Variants in PDE12 observed in about 807,000 individuals in gnomAD.
The protein encoded by PDE12 is phosphodiesterase 12.
Under a neutral mutation model 45.4 loss-of-function variants are expected in PDE12, and 26 were observed. That is an observed-to-expected ratio of 0.57 (90% CI 0.42 to 0.79). The LOEUF is 0.79. Among genes scored for constraint, PDE12 ranks in the 30% least tolerant of loss-of-function variants. PDE12 has a pLI of 0.00. For missense variants in PDE12, 668 were observed against 790.0 expected, an observed-to-expected ratio of 0.85 and a Z score of 1.85; for synonymous variants, 283 against 323.9, an observed-to-expected ratio of 0.87 and a Z score of 1.36.
chr3:57,602,006 C>T, the PDE12 span, among the ~76,000 whole-genome samples: 5 of 151,798 alleles, frequency 3.3e-5, no homozygotes, highest in Non-Finnish European at 5.9e-5. Flanking sequence ...CTGCCCACCT[C>T]GGCCTCCCAG....
the PDE12 span, among the ~76,000 whole-genome samples, chr3:57,637,088 G>A: frequency 9.9e-5 from 15 of 152,108 alleles, no homozygotes; most frequent in African/African-American, 3.1e-4. Flanking sequence ...GATGTCCTCC[G>A]TGCCAGTCTC....
At chr3:57,603,053 A>G in the PDE12 span, among the ~76,000 whole-genome samples, 3 of 151,540 alleles carry the variant, frequency 2.0e-5, no homozygotes, top group African/African-American at 7.2e-5. Flanking sequence ...TGTAATCCCA[A>G]CTACTCAGCA....
chr3:57,620,866 G>T, the PDE12 span, among the ~76,000 whole-genome samples: 2 of 152,106 alleles, frequency 1.3e-5, no homozygotes, highest in African/African-American at 4.8e-5. Context: ...CTTTGTTCAT[G>T]GTTCAGAAGA....
chr3:57,601,361 G>A, the PDE12 span, among the ~76,000 whole-genome samples: 4 of 151,986 alleles, frequency 2.6e-5, no homozygotes, highest in African/African-American at 7.3e-5. Context: ...CACCCACCTC[G>A]GCCTCCCAAA....
chr3:57,612,228 C>T, the PDE12 span, among the ~76,000 whole-genome samples: 1 of 123,576 alleles, frequency 8.1e-6, no homozygotes, highest in Non-Finnish European at 1.6e-5. Context: ...ACATCACACA[C>T]CAGGGCCTGT....
At chr3:57,600,463 C>G in the PDE12 span, among the ~76,000 whole-genome samples, 1 of 148,738 alleles carries the variant, frequency 6.7e-6, no homozygotes, top group Non-Finnish European at 1.5e-5. Context: ...TCCCTTTTCC[C>G]TTCCCTTTTC....
downstream of PDE12, among the ~76,000 whole-genome samples, chr3:57,570,219 G>GTTTTTTTTTTTTTTTTGTTTT (rs2069824322): frequency 7.8e-5 from 8 of 102,330 alleles, no homozygotes; most frequent in African/African-American, 2.7e-4. Flanking sequence ...TTAATCCAGT[G>GTTTTTTTTTTTTTTTTGTTTT]TTTTTTTTTT....
chr3:57,560,149 T>C lies in PDE12; in HGVS notation c.*145T>C. On this transcript the variant is annotated 3_prime_UTR_variant, in exon 3 of 3. Coordinates refer to ENST00000311180, the MANE Select transcript of PDE12 (RefSeq NM_177966.7). ...AGTTATGTTCCTGATGTCTTCGTTA[T>C]GAAACTGTTGATGTTTGCATCATAC... 7.0e-7 allele frequency: 1 copy of C among 1,419,174 alleles called. No individual in the cohort carries two copies. The highest frequency in any genetic ancestry group is 3.1e-5 in the Admixed American group (1 of 32,512). The allele number at this position is 1,419,174 out of a possible 1,614,324, so 87.9% of individuals were successfully genotyped here.
the PDE12 span, among the ~76,000 whole-genome samples, chr3:57,605,697 G>A: frequency 6.6e-6 from 1 of 152,120 alleles, no homozygotes; most frequent in Non-Finnish European, 1.5e-5. Flanking sequence ...AAATTATTGG[G>A]CATGCAAAGA....
chr3:57,595,964 A>G, the PDE12 span, among the ~76,000 whole-genome samples: 5 of 151,708 alleles, frequency 3.3e-5, no homozygotes, highest in South Asian at 1.0e-3. Flanking sequence ...AAAAAAAAAA[A>G]GGAAGAGAAA....
chr3:57,649,332 A>G, the PDE12 span, among the ~76,000 whole-genome samples: 2 of 152,212 alleles, frequency 1.3e-5, no homozygotes, highest in African/African-American at 4.8e-5. Context: ...AAGAATAGCC[A>G]TAATCAAAAA....
chr3:57,641,847 AG>A, the PDE12 span: 1 of 950,790 alleles, frequency 1.1e-6, no homozygotes, highest in Non-Finnish European at 1.6e-6. Context: ...AACAATACAC[AG>A]ATTGATTTTT....
the PDE12 span, among the ~76,000 whole-genome samples, chr3:57,576,850 C>G: frequency 6.6e-6 from 1 of 151,994 alleles, no homozygotes; most frequent in Non-Finnish European, 1.5e-5. Context: ...TAAATGGTTA[C>G]TATTAAAAAA....
At chr3:57,572,308 G>A in the PDE12 span, 1 of 1,598,796 alleles carries the variant, frequency 6.3e-7, no homozygotes, top group Non-Finnish European at 8.6e-7. Flanking sequence ...ACTGTAAAGA[G>A]AAGACAAGAA....
the PDE12 span, among the ~76,000 whole-genome samples, chr3:57,613,276 G>A: frequency 7.1e-6 from 1 of 141,170 alleles, no homozygotes; most frequent in Non-Finnish European, 1.5e-5. Context: ...CCACTGCCTG[G>A]CCATAAAAAA....
chr3:57,600,604 C>T, the PDE12 span: 8 of 151,924 alleles, frequency 5.3e-5, no homozygotes, highest in Admixed American at 2.6e-4. Flanking sequence ...TTGTAGAGAC[C>T]AGCATGTTGC....
the PDE12 span, among the ~76,000 whole-genome samples, chr3:57,600,525 A>G: frequency 6.9e-6 from 1 of 145,014 alleles, no homozygotes. Context: ...CAGCCTCCCA[A>G]GTAGCTGGGA....
In PDE12 at chr3:57,564,763, T is replaced by G. The variant is rs1408804907; in HGVS notation, c.*4759T>G. On this transcript the variant is annotated 3_prime_UTR_variant, in exon 3 of 3. Coordinates refer to ENST00000311180, the MANE Select transcript of PDE12 (RefSeq NM_177966.7). Reference sequence around the variant, plus strand: ...TTACTGCAACCTCCACCTCCTGGGCTTATGCAATCCTCCCACCACAGCCTC... The same window carrying G: ...TTACTGCAACCTCCACCTCCTGGGCGTATGCAATCCTCCCACCACAGCCTC... 3 of 151,924 alleles carry G rather than the reference T, an allele frequency of 2.0e-5. No homozygotes were observed. The highest frequency in any genetic ancestry group is 2.9e-5 in the Non-Finnish European group (2 of 68,026). 9.4% of individuals were successfully genotyped at this position (151,924 alleles called of 1,614,324 possible).
chr3:57,594,373 C>G, the PDE12 span, among the ~76,000 whole-genome samples: 5 of 152,176 alleles, frequency 3.3e-5, no homozygotes, highest in Non-Finnish European at 7.3e-5. Flanking sequence ...TAGGCGTGAG[C>G]CACCACACCT....
Sources: gnomAD v4.1 joint callset for allele counts (sites outside exome capture counted in the v4.1 genomes callset) on GRCh38, gnomAD v4.1.1 for gene constraint, MANE v1.5 for transcripts, NCBI Gene and HGNC (gene_info 2026-07-23, HGNC 2026-07-21) for gene names.